The following ZBBX variants were observed in gnomAD, a reference collection of about 807,000 sequenced individuals.
ZBBX encodes the protein zinc finger B-box domain containing, also known as zinc finger B-box domain-containing protein 1.
In ZBBX, 101 loss-of-function variants were observed where a neutral mutation model predicts 108.5. That is an observed-to-expected ratio of 0.93 (90% confidence interval 0.79 to 1.10). The LOEUF (loss-of-function observed/expected upper bound fraction) is 1.10, where lower values mean the gene tolerates loss of function less well. Among genes scored for constraint, ZBBX ranks in the 50% least tolerant of loss-of-function variants. The pLI is 0.00. For synonymous variants in ZBBX, 356 were observed against 323.4 expected, an observed-to-expected ratio of 1.10 and a Z score of -1.08; for missense variants, 1,009 against 941.4, an observed-to-expected ratio of 1.07 and a Z score of -0.94.
At chr3:167,349,219 A>T (rs1380555449) in intron 9 of ZBBX, among the ~76,000 whole-genome samples, 1 of 152,080 alleles carries the variant, frequency 6.6e-6, no homozygotes, top group African/African-American at 2.4e-5. Flanking sequence ...ATTGAATGAA[A>T]AATTCCTAAT....
the ZBBX span, among the ~76,000 whole-genome samples, chr3:167,215,965 T>C: frequency 6.6e-6 from 1 of 152,138 alleles, no homozygotes; most frequent in Admixed American, 6.5e-5. Context: ...AACTAGGTAT[T>C]GAAGAAACAT....
At chr3:167,371,675 CAT>C (rs1746175645) in intron 4 of ZBBX, among the ~76,000 whole-genome samples, 1 of 152,250 alleles carries the variant, frequency 6.6e-6, no homozygotes, top group Non-Finnish European at 1.5e-5. Flanking sequence ...TCAAATAACA[CAT>C]GTCCCTTTTT....
downstream of ZBBX, among the ~76,000 whole-genome samples, chr3:167,239,133 G>T (rs1720355272): frequency 6.6e-6 from 1 of 152,106 alleles, no homozygotes; most frequent in Non-Finnish European, 1.5e-5. Flanking sequence ...GGGAAGATAT[G>T]ATACTGCAGC....
At chr3:167,260,665 G>A (rs1724344755) in intron 20 of ZBBX, among the ~76,000 whole-genome samples, 1 of 152,178 alleles carries the variant, frequency 6.6e-6, no homozygotes, top group African/African-American at 2.4e-5. Context: ...TGTGTCCAAA[G>A]TTTTCTGAGT....
chr3:167,371,758 C>T (rs1187496007), intron 4 of ZBBX, among the ~76,000 whole-genome samples: 1 of 152,094 alleles, frequency 6.6e-6, no homozygotes, highest in Non-Finnish European at 1.5e-5. Flanking sequence ...ACATGGTATA[C>T]CTAAAAATGA....
chr3:167,334,551 G>A (rs79815017), intron 9 of ZBBX, among the ~76,000 whole-genome samples: 7,856 of 152,084 alleles, frequency 0.052, 551 homozygotes, highest in African/African-American at 0.16. Context: ...TCCAGCCTTG[G>A]CGACAGAGCA....
At chr3:167,248,568 T>G in intron 20 of ZBBX, 1 of 454,760 alleles carries the variant, frequency 2.2e-6, no homozygotes, top group Middle Eastern at 3.3e-4. Context: ...CAGGGCACAT[T>G]TGAGACACTC....
In ZBBX at chr3:167,311,465, A is replaced by G. The variant is rs180793413; in HGVS notation, c.1417+2509T>C. The stretch of plus-strand genomic sequence containing the variant: ...AAACTTTATTAAAATAAAAGCTTAT[A>G]CACTATGAAAAATAGTCCAGAGAAT... On this transcript the variant is annotated intron_variant, in intron 16 of 21. Coordinates refer to ENST00000675490, the MANE Select transcript of ZBBX (RefSeq NM_001199201.2). Among the ~76,000 whole-genome samples the G allele has an allele frequency of 2.7e-3, 418 of 152,316 alleles. 2 individuals are homozygous for G. Among genetic ancestry groups the G allele is most frequent in the African/African-American group, 9.8e-3 (409 of 41,590 alleles).
intron 20 of ZBBX, among the ~76,000 whole-genome samples, chr3:167,277,740 C>G (rs2108504637): frequency 6.6e-6 from 1 of 152,230 alleles, no homozygotes; most frequent in South Asian, 2.1e-4. Context: ...AGCTCTGCAC[C>G]AAGCAGACCT....
chr3:167,259,662 G>C (rs905807243), intron 20 of ZBBX, among the ~76,000 whole-genome samples: 2 of 152,078 alleles, frequency 1.3e-5, no homozygotes, highest in African/African-American at 2.4e-5. Context: ...CAGAGGTTTT[G>C]ATACGTTGTG....
At chr3:167,198,015 CA>C in the ZBBX span, among the ~76,000 whole-genome samples, 1 of 152,144 alleles carries the variant, frequency 6.6e-6, no homozygotes, top group African/African-American at 2.4e-5. Flanking sequence ...TATTGATCAA[CA>C]ATGAAGAAAT....
At chr3:167,260,661 C>G (rs1312926269) in intron 20 of ZBBX, among the ~76,000 whole-genome samples, 1 of 152,080 alleles carries the variant, frequency 6.6e-6, no homozygotes, top group Non-Finnish European at 1.5e-5. Flanking sequence ...AAAGTGTGTC[C>G]AAAGTTTTCT....
intron 20 of ZBBX, among the ~76,000 whole-genome samples, chr3:167,261,775 CAAAAAA>C (rs60045904): frequency 2.1e-5 from 2 of 96,274 alleles, no homozygotes; most frequent in African/African-American, 4.2e-5. Flanking sequence ...CTCCCAACTG[CAAAAAA>C]AAAAAAAAAA....
At chr3:167,377,647 T>G (rs755244265) in intron 2 of ZBBX, among the ~76,000 whole-genome samples, 1 of 151,820 alleles carries the variant, frequency 6.6e-6, no homozygotes, top group Non-Finnish European at 1.5e-5. Context: ...TTCACATTTC[T>G]TCTATCTGTA....
At chr3:167,251,011 G>A (rs1328180295) in intron 20 of ZBBX, among the ~76,000 whole-genome samples, 1 of 152,192 alleles carries the variant, frequency 6.6e-6, no homozygotes, top group Non-Finnish European at 1.5e-5. Context: ...GCGAGAGGAC[G>A]TTGAGGCAGC....
the ZBBX span, among the ~76,000 whole-genome samples, chr3:167,193,749 A>T: frequency 1.3e-5 from 2 of 152,170 alleles, no homozygotes; most frequent in Admixed American, 6.5e-5. Flanking sequence ...AAATGAATGG[A>T]TAAAGAAAAT....
chr3:167,337,607 T>C (rs1359358816), intron 9 of ZBBX, among the ~76,000 whole-genome samples: 2 of 152,176 alleles, frequency 1.3e-5, no homozygotes, highest in African/African-American at 4.8e-5. Flanking sequence ...ATCTGGTTTA[T>C]AGCAAAATAG....
chr3:167,278,530 C>T (rs1728126786), intron 20 of ZBBX, among the ~76,000 whole-genome samples: 1 of 139,976 alleles, frequency 7.1e-6, no homozygotes, highest in South Asian at 2.5e-4. Context: ...GACACATACA[C>T]TCTCCCAAGA....
intron 12 of ZBBX, among the ~76,000 whole-genome samples, chr3:167,318,589 A>G (rs1417802870): frequency 1.3e-5 from 2 of 151,976 alleles, no homozygotes; most frequent in African/African-American, 4.8e-5. Context: ...AAGGCATTAA[A>G]ATTTTGATAA....
Sources: gnomAD v4.1 joint callset for allele counts (sites outside exome capture counted in the v4.1 genomes callset) on GRCh38, gnomAD v4.1.1 for gene constraint, MANE v1.5 for transcripts, NCBI Gene and HGNC (gene_info 2026-07-23, HGNC 2026-07-21) for gene names.